Variants in NRXN1 observed in about 807,000 individuals in gnomAD.
The protein encoded by NRXN1 is neurexin 1, also known as neurexin-1.
In NRXN1, 39 loss-of-function variants were observed where a neutral mutation model predicts 150.9. The ratio of observed to expected loss-of-function variants is 0.26; its 90% CI spans 0.20 to 0.34. NRXN1 has a LOEUF of 0.34. Among genes scored for constraint, NRXN1 ranks in the 10% least tolerant of loss-of-function variants. NRXN1 has a pLI of 1.00. For synonymous variants in NRXN1, 924 were observed against 757.0 expected (o/e 1.22, Z -3.62); for missense variants, 1,815 against 1,949.9 (o/e 0.93, Z 1.30).
At chr2:50,908,298 TA>T (rs1271980242) in intron 5 of NRXN1, among the ~76,000 whole-genome samples, 1 of 151,744 alleles carries the variant, frequency 6.6e-6, no homozygotes, top group Non-Finnish European at 1.5e-5. Context: ...TTCAACTGAC[TA>T]AAAGTTCAGT....
chr2:50,299,423 TTTA>T (rs143066079), intron 17 of NRXN1, among the ~76,000 whole-genome samples: 25,062 of 148,778 alleles, frequency 0.17, 2,368 homozygotes, highest in East Asian at 0.39. Context: ...TTTTTTTTTT[TTTA>T]AAACTGACTT....
At chr2:49,973,664 C>A in intron 21 of NRXN1, 1 of 372,800 alleles carries the variant, frequency 2.7e-6, no homozygotes, top group Non-Finnish European at 4.8e-6. Context: ...TTGTTTTTGC[C>A]ACAAGCATGC....
chr2:50,647,492 T>C (rs1325715924), intron 5 of NRXN1, among the ~76,000 whole-genome samples: 1 of 151,958 alleles, frequency 6.6e-6, no homozygotes, highest in Non-Finnish European at 1.5e-5. Flanking sequence ...AGAAATAGCT[T>C]ACAACATTCG....
At chr2:50,140,594 C>A (rs1411975175) in intron 18 of NRXN1, among the ~76,000 whole-genome samples, 1 of 151,804 alleles carries the variant, frequency 6.6e-6, no homozygotes, top group Non-Finnish European at 1.5e-5. Flanking sequence ...GCAGTAGCAA[C>A]TATTCACTTC....
chr2:50,432,937 C>T (rs2085097616), intron 17 of NRXN1, among the ~76,000 whole-genome samples: 1 of 152,146 alleles, frequency 6.6e-6, no homozygotes, highest in Non-Finnish European at 1.5e-5. Flanking sequence ...TTCCGATTCC[C>T]CATCTCCAGT....
chr2:50,818,160 G>T (rs1669197691), intron 5 of NRXN1, among the ~76,000 whole-genome samples: 1 of 144,412 alleles, frequency 6.9e-6, no homozygotes, highest in African/African-American at 2.5e-5. Context: ...CAAAAAAGTT[G>T]CAGGATACAA....
chr2:50,224,531 C>G (rs2064176233), intron 18 of NRXN1, among the ~76,000 whole-genome samples: 1 of 151,796 alleles, frequency 6.6e-6, no homozygotes, highest in African/African-American at 2.4e-5. Context: ...GAATTTAACC[C>G]TACTTCAGAT....
chr2:50,999,272 T>C (rs370299834), intron 2 of NRXN1, among the ~76,000 whole-genome samples: 1 of 152,068 alleles, frequency 6.6e-6, no homozygotes, highest in Admixed American at 6.6e-5. Context: ...CATTTATTTG[T>C]TCAATAAATA....
At chr2:50,926,544 T>C (rs142671030) in intron 2 of NRXN1, among the ~76,000 whole-genome samples, 1 of 152,072 alleles carries the variant, frequency 6.6e-6, no homozygotes, top group African/African-American at 2.4e-5. Context: ...AGCATATTAA[T>C]ATTGTATTGC....
intron 19 of NRXN1, among the ~76,000 whole-genome samples, chr2:50,075,552 C>T (rs1425355888): frequency 6.6e-6 from 1 of 152,170 alleles, no homozygotes; most frequent in African/African-American, 2.4e-5. Flanking sequence ...TACCAGTAGG[C>T]ACTGCATATT....
chr2:50,858,420 A>G (rs1341762990), intron 5 of NRXN1, among the ~76,000 whole-genome samples: 3 of 151,624 alleles, frequency 2.0e-5, no homozygotes, highest in Non-Finnish European at 4.4e-5. Context: ...CTTTTGTTGG[A>G]AAAAAAAATC....
chr2:50,499,059 T>G (rs115230149), intron 13 of NRXN1, among the ~76,000 whole-genome samples: 1 of 152,304 alleles, frequency 6.6e-6, no homozygotes, highest in Non-Finnish European at 1.5e-5. Context: ...TTTGACAAAT[T>G]TCCATTTCTT....
intron 5 of NRXN1, among the ~76,000 whole-genome samples, chr2:50,910,268 C>G (rs77605217): frequency 0.026 from 3,962 of 152,030 alleles, 66 homozygotes; most frequent in Non-Finnish European, 0.033. Context: ...TTTGACTCAT[C>G]ATTAGACACC....
At chr2:50,447,743 A>T (rs1204726302) in intron 17 of NRXN1, among the ~76,000 whole-genome samples, 2 of 44,194 alleles carry the variant, frequency 4.5e-5, no homozygotes, top group African/African-American at 9.1e-5. Context: ...AACGTTATAT[A>T]TATATATATA....
At chr2:50,284,531 A>T (rs560146800) in intron 17 of NRXN1, among the ~76,000 whole-genome samples, 1 of 152,174 alleles carries the variant, frequency 6.6e-6, no homozygotes, top group African/African-American at 2.4e-5. Context: ...TATAATCTTC[A>T]TATGGAAAAA....
At chr2:50,215,933 G>C (rs1218710552) in intron 18 of NRXN1, among the ~76,000 whole-genome samples, 6 of 152,028 alleles carry the variant, frequency 3.9e-5, no homozygotes, top group Middle Eastern at 3.2e-3. Context: ...TTTCACAACT[G>C]AATGTGGTTA....
At chr2:50,748,862 C>T (rs961227058) in intron 5 of NRXN1, among the ~76,000 whole-genome samples, 1 of 152,082 alleles carries the variant, frequency 6.6e-6, no homozygotes, top group African/African-American at 2.4e-5. Flanking sequence ...CAGATAACAA[C>T]TACTGTCAGT....
chr2:50,931,975 C>T (rs904404863), intron 2 of NRXN1, among the ~76,000 whole-genome samples: 3 of 151,950 alleles, frequency 2.0e-5, no homozygotes, highest in Non-Finnish European at 2.9e-5. Context: ...AATTCTCCTG[C>T]CTCAGCCTCC....
intron 5 of NRXN1, among the ~76,000 whole-genome samples, chr2:50,778,493 T>G (rs1259960877): frequency 1.3e-5 from 2 of 152,190 alleles, no homozygotes; most frequent in Non-Finnish European, 2.9e-5. Flanking sequence ...TACAATTAAT[T>G]CTAATTCCAG....
Sources: gnomAD v4.1 joint callset for allele counts (sites outside exome capture counted in the v4.1 genomes callset) on GRCh38, gnomAD v4.1.1 for gene constraint, MANE v1.5 for transcripts, NCBI Gene and HGNC (gene_info 2026-07-23, HGNC 2026-07-21) for gene names.